The following MS4A8 variants were observed in gnomAD, a reference collection of about 807,000 sequenced individuals.
MS4A8 encodes membrane spanning 4-domains A8, also known as membrane-spanning 4-domains subfamily A member 8.
Under a neutral mutation model 23.7 loss-of-function variants are expected in MS4A8, and 27 were observed. The observed-to-expected ratio is 1.14, with a 90% CI of 0.84 to 1.57. MS4A8 has a LOEUF of 1.57. MS4A8 is among the 40% of genes most tolerant of loss of function. MS4A8 has a pLI of 0.00. For synonymous variants in MS4A8, 138 were observed against 126.3 expected, an observed-to-expected ratio of 1.09 and a Z score of -0.62; for missense variants, 301 against 311.4, an observed-to-expected ratio of 0.97 and a Z score of 0.25.
At chr11:60,713,594 T>C (rs766122109) in intron 5 of MS4A8, among the ~76,000 whole-genome samples, 1 of 152,140 alleles carries the variant, frequency 6.6e-6, no homozygotes, top group Non-Finnish European at 1.5e-5. Context: ...GAATATACAA[T>C]GGACTTTACA....
intron 5 of MS4A8, among the ~76,000 whole-genome samples, chr11:60,714,803 T>C (rs1258441341): frequency 6.6e-6 from 1 of 152,156 alleles, no homozygotes; most frequent in African/African-American, 2.4e-5. Context: ...TCATCTTTTT[T>C]CTCAGAGGAA....
chr11:60,714,014 T>A (rs2088321276), intron 5 of MS4A8, among the ~76,000 whole-genome samples: 1 of 145,850 alleles, frequency 6.9e-6, no homozygotes, highest in African/African-American at 2.7e-5. Context: ...AAGCTCCACT[T>A]CCCGGGTTCA....
In MS4A8 at chr11:60,715,389, C is replaced by G; in HGVS notation, c.728C>G (p.Ser243Cys). 1 of 1,613,778 alleles carries G rather than the reference C, an allele frequency of 6.2e-7. No individual in the cohort carries two copies. The highest frequency in any genetic ancestry group is 8.5e-7 in the Non-Finnish European group (1 of 1,179,792). Residue 243 changes from serine to cysteine, a missense_variant, in exon 7 of 7, where the codon TCC becomes TGC. Transcript: ENST00000300226. ...CCGGTGACCTCACCACCAAGTTATTCCAGTGAGATCCAAGCAAATAAGTAA... is the reference window on the plus strand; with the variant it reads ...CCGGTGACCTCACCACCAAGTTATTGCAGTGAGATCCAAGCAAATAAGTAA... ...PEPVTSPPSY[S>C]SEIQANK
At chr11:60,714,531 T>A (rs891654962) in intron 5 of MS4A8, among the ~76,000 whole-genome samples, 3 of 152,198 alleles carry the variant, frequency 2.0e-5, no homozygotes, top group African/African-American at 7.2e-5. Context: ...CACTGATTAC[T>A]GAAGATAAGA....
intron 4 of MS4A8, 56 bp downstream of exon 4, chr11:60,707,103 C>T: frequency 1.3e-6 from 2 of 1,498,998 alleles, no homozygotes; most frequent in Non-Finnish European, 1.9e-6. Flanking sequence ...AATGGTGTCA[C>T]AAAGGGGAAA....
At chr11:60,699,821 A>C (rs1055702119) in intron 1 of MS4A8, 46 bp downstream of exon 1, 5 of 152,372 alleles carry the variant, frequency 3.3e-5, no homozygotes, top group African/African-American at 1.2e-4. Flanking sequence ...GTTGGTGATA[A>C]GGTTTTTCTA....
chr11:60,700,836 T>A, intron 1 of MS4A8, 24 bp from the exon 2 acceptor site: 5 of 1,613,342 alleles, frequency 3.1e-6, no homozygotes, highest in Non-Finnish European at 4.2e-6. Context: ...GAGGGAAAAT[T>A]CTCTCGCATT....
chr11:60,715,690 A>G lies in MS4A8; in HGVS notation c.*276A>G. On this transcript the variant is annotated 3_prime_UTR_variant, in exon 7 of 7. Coordinates refer to ENST00000300226, the MANE Select transcript of MS4A8 (RefSeq NM_031457.2). Reference sequence around the variant, plus strand: ...GGCATCCAGCCTCTGGGGCCTTGGCACACACACATTCGTGTGCTCTGCTGC... The same window carrying G: ...GGCATCCAGCCTCTGGGGCCTTGGCGCACACACATTCGTGTGCTCTGCTGC... The G allele has an allele frequency of 2.3e-6, 1 of 443,880 alleles. No homozygotes were observed. Among genetic ancestry groups the G allele is most frequent in the Non-Finnish European group, 4.1e-6 (1 of 243,804 alleles). 27.5% of individuals were successfully genotyped at this position (443,880 alleles called of 1,614,324 possible).
chr11:60,715,098 C>T lies in MS4A8; in HGVS notation c.612C>T (p.His204=), dbSNP rs1296380893. Reference sequence around the variant, plus strand: ...TTGGCATCGCATGCGCATCTTCCCACTTTGGCTGCCAGTTGGTCTGCTGTC... The same window carrying T: ...TTGGCATCGCATGCGCATCTTCCCATTTTGGCTGCCAGTTGGTCTGCTGTC... ...LEFGIACASS[H]FGCQLVCCQS... The change falls in exon 6 of 7, where the codon CAC becomes CAT. Residue 204 remains histidine (H), a synonymous_variant. Coordinates refer to ENST00000300226, the MANE Select transcript of MS4A8 (RefSeq NM_031457.2). 2.5e-6 allele frequency: 4 copies of T among 1,614,166 alleles called. No individual in the cohort carries two copies. Among genetic ancestry groups the T allele is most frequent in the Non-Finnish European group, 3.4e-6 (4 of 1,180,006 alleles).
At chr11:60,706,757 T>C (rs760540708) in intron 3 of MS4A8, among the ~76,000 whole-genome samples, 6 of 152,214 alleles carry the variant, frequency 3.9e-5, no homozygotes, top group Non-Finnish European at 5.9e-5. Flanking sequence ...TTACCCAAGG[T>C]CAAGAGTTTC....
intron 3 of MS4A8, among the ~76,000 whole-genome samples, chr11:60,704,173 C>T (rs1245252930): frequency 4.3e-5 from 6 of 140,928 alleles, no homozygotes; most frequent in Non-Finnish European, 7.5e-5. Flanking sequence ...CAAGCTGGAG[C>T]GCAGTGGTGC....
intron 2 of MS4A8, among the ~76,000 whole-genome samples, chr11:60,701,787 G>T (rs576522491): frequency 1.6e-4 from 24 of 152,290 alleles, no homozygotes; most frequent in Admixed American, 1.0e-3. Context: ...TTGCAGCGTG[G>T]TTTGTGATAA....
At chr11:60,712,017 A>T (rs75459426) in intron 5 of MS4A8, 7,400 of 262,234 alleles carry the variant, frequency 0.028, 525 homozygotes, top group African/African-American at 0.16. Flanking sequence ...AAATAAAAAA[A>T]ATCTCAGCTG....
At chr11:60,710,215 A>G (rs994004212) in intron 5 of MS4A8, among the ~76,000 whole-genome samples, 3 of 152,164 alleles carry the variant, frequency 2.0e-5, no homozygotes, top group Admixed American at 2.0e-4. Flanking sequence ...GCAACTTGAA[A>G]CACCTTGTCT....
Position 60,708,668 on chromosome 11 carries a change from T to G in MS4A8, c.421T>G (p.Leu141Val). 1 of 1,552,700 alleles carries G rather than the reference T, an allele frequency of 6.4e-7. No homozygotes were observed. The highest frequency in any genetic ancestry group is 8.7e-7 in the Non-Finnish European group (1 of 1,151,820). ...TCTTCAGCTGTCTGGCAGTTTGGGCTTGAACATCGTCAGTGCAATCTGCTC... is the reference window on the plus strand; with the variant it reads ...TCTTCAGCTGTCTGGCAGTTTGGGCGTGAACATCGTCAGTGCAATCTGCTC... ...SYCLLSGSLG[L>V]NIVSAICSAV... The change falls in exon 5 of 7, where the codon TTG (leucine) becomes GTG (valine). Residue 141 changes from leucine to valine, a missense_variant. By Grantham distance (32) the Leu-to-Val change is conservative. Coordinates refer to ENST00000300226, the MANE Select transcript of MS4A8 (RefSeq NM_031457.2).
chr11:60,706,885 G>A, intron 3 of MS4A8, 103 bp from the exon 4 acceptor site: 1 of 966,590 alleles, frequency 1.0e-6, no homozygotes, highest in Admixed American at 1.8e-5. Flanking sequence ...TGAGCTGATG[G>A]TTCCAGCAAA....
chr11:60,712,804 A>C (rs1201411021), intron 5 of MS4A8, among the ~76,000 whole-genome samples: 2 of 152,080 alleles, frequency 1.3e-5, no homozygotes, highest in Middle Eastern at 3.4e-3. Context: ...AAAAAAAAAA[A>C]ATTAAAAAAT....
chr11:60,706,892 C>T (rs1330905784), intron 3 of MS4A8, 96 bp from the exon 4 acceptor site: 1 of 1,047,018 alleles, frequency 9.6e-7, no homozygotes, highest in African/African-American at 1.6e-5. Context: ...ATGGTTCCAG[C>T]AAAGGTACCC....
chr11:60,712,638 A>G, intron 5 of MS4A8: 1 of 311,428 alleles, frequency 3.2e-6, no homozygotes, highest in Non-Finnish European at 4.7e-6. Flanking sequence ...TACAAAATAT[A>G]CAAAAATTAG....
Sources: allele counts gnomAD v4.1 joint callset (sites outside exome capture counted in the v4.1 genomes callset), GRCh38; gene constraint gnomAD v4.1.1; transcripts MANE v1.5; gene names NCBI Gene and HGNC (gene_info 2026-07-23, HGNC 2026-07-21).